Variants in TIFA observed in about 807,000 individuals in gnomAD.
TIFA encodes the protein TRAF-interacting protein with FHA domain-containing protein A.
For synonymous variants in TIFA, 75 were observed against 79.2 expected, an observed-to-expected ratio of 0.95 and a Z score of 0.28; for missense variants, 186 against 215.2, an observed-to-expected ratio of 0.86 and a Z score of 0.85.
rs1727120697 is a variant in TIFA, at chr4:112,276,662, ACTG to A, written c.*1197_*1199del. ...GTTAGGGTGCTGGACATCACATACT[ACTG>A]CCCAGGAATAGACTGACAGTCTGAA... On this transcript the variant is annotated 3_prime_UTR_variant, in exon 2 of 2. Transcript: ENST00000361717. 1 of 152,180 alleles carries A rather than the reference ACTG, an allele frequency of 6.6e-6. No individual in the cohort carries two copies. Among genetic ancestry groups the A allele is most frequent in the African/African-American group, 2.4e-5 (1 of 41,446 alleles). 9.4% of individuals were successfully genotyped at this position (152,180 alleles called of 1,614,324 possible). A position where few individuals can be genotyped will look rare whatever the true frequency, so the allele number is the denominator to read the frequency against.
chr4:112,279,676 C>CTT (rs61156596), intron 1 of TIFA, among the ~76,000 whole-genome samples: 2 of 146,586 alleles, frequency 1.4e-5, no homozygotes, highest in Admixed American at 6.8e-5. Context: ...CTTTGTTCCT[C>CTT]TTTTTTTTTT....
intron 1 of TIFA, among the ~76,000 whole-genome samples, chr4:112,280,699 T>C (rs1727215276): frequency 6.6e-6 from 1 of 152,168 alleles, no homozygotes; most frequent in African/African-American, 2.4e-5. Context: ...TTACAAAGTT[T>C]TGCTGCTGGG....
At chr4:112,281,109 A>T (rs1578432286) in intron 1 of TIFA, among the ~76,000 whole-genome samples, 1 of 152,348 alleles carries the variant, frequency 6.6e-6, no homozygotes, top group East Asian at 1.9e-4. Flanking sequence ...CAAGAAAAGC[A>T]TTTGCTATTA....
intron 1 of TIFA, among the ~76,000 whole-genome samples, chr4:112,284,909 A>G (rs970228721): frequency 2.6e-5 from 4 of 151,486 alleles, no homozygotes; most frequent in African/African-American, 9.7e-5. Flanking sequence ...AAAAAAAAAA[A>G]AAGTGAAAAC....
chr4:112,279,497 C>A (rs980873207), intron 1 of TIFA, among the ~76,000 whole-genome samples: 1 of 152,120 alleles, frequency 6.6e-6, no homozygotes, highest in African/African-American at 2.4e-5. Flanking sequence ...TCCTAGAGTA[C>A]AACCACTGTA....
At position 112,279,827 on chromosome 4, in the gene TIFA, C is replaced by T. The variant is rs576995100; in HGVS notation, c.-18-1393G>A. Among the ~76,000 whole-genome samples, 12 of 152,072 alleles carry T rather than the reference C, an allele frequency of 7.9e-5. No individual in the cohort carries two copies. In the South Asian group the frequency reaches 2.3e-3, roughly 29 times the overall value. On this transcript the variant is annotated intron_variant, in intron 1 of 1. Coordinates refer to ENST00000361717, the MANE Select transcript of TIFA (RefSeq NM_052864.3). ...GATTACAGAAACGCACCACCACACC[C>T]GGCTAATTTTTGTATTTTTAGTAGA... is the stretch of plus-strand genomic sequence containing the variant.
intron 1 of TIFA, among the ~76,000 whole-genome samples, chr4:112,279,901 C>G (rs968813373): frequency 6.6e-5 from 10 of 152,144 alleles, no homozygotes; most frequent in Non-Finnish European, 1.5e-4. Flanking sequence ...CTCCTGAGCT[C>G]AGGTGATTCA....
chr4:112,277,791 CTTAT>C lies in TIFA; in HGVS notation c.*67_*70del. On this transcript the variant is annotated 3_prime_UTR_variant, in exon 2 of 2. Transcript: ENST00000361717. ...CTATAATATACTACCCTAATCAACT[CTTAT>C]TTAGTGTCTATACAGCATCTACAGA... 7.0e-7 allele frequency: 1 copy of C among 1,427,446 alleles called. No homozygotes were observed. Among genetic ancestry groups the C allele is most frequent in the Non-Finnish European group, 9.3e-7 (1 of 1,069,552 alleles). 88.4% of individuals were successfully genotyped at this position (1,427,446 alleles called of 1,614,324 possible).
chr4:112,279,432 C>T (rs995533801), intron 1 of TIFA, among the ~76,000 whole-genome samples: 12 of 152,174 alleles, frequency 7.9e-5, no homozygotes, highest in African/African-American at 2.9e-4. Flanking sequence ...CAAACACTAA[C>T]AAAGGATTTA....
At chr4:112,282,356 T>C (rs1426162087) in intron 1 of TIFA, among the ~76,000 whole-genome samples, 2 of 152,226 alleles carry the variant, frequency 1.3e-5, no homozygotes, top group African/African-American at 2.4e-5. Context: ...CTATTACTTA[T>C]TTCATGCCTT....
intron 1 of TIFA, among the ~76,000 whole-genome samples, chr4:112,282,098 T>C (rs1239893758): frequency 6.6e-6 from 1 of 152,198 alleles, no homozygotes; most frequent in Non-Finnish European, 1.5e-5. Flanking sequence ...GTTCTTGTGA[T>C]AGTGAATAAG....
chr4:112,280,333 C>T (rs1380719168), intron 1 of TIFA, among the ~76,000 whole-genome samples: 3 of 142,440 alleles, frequency 2.1e-5, no homozygotes, highest in African/African-American at 7.7e-5. Flanking sequence ...TTCTATCTTG[C>T]TGGCATTTCC....
chr4:112,275,275 A>G lies in TIFA; in HGVS notation c.*2587T>C, dbSNP rs1300319839. On this transcript the variant is annotated 3_prime_UTR_variant, in exon 2 of 2. Transcript: ENST00000361717. ...AGAGATCAGGTCTCTTTGGGGGATC[A>G]ATAACGTGTAAAACTTGGGAGCTAC... The G allele has an allele frequency of 1.3e-5, 2 of 152,194 alleles. No homozygotes were observed. Among genetic ancestry groups the G allele is most frequent in the East Asian group, 3.9e-4 (2 of 5,192 alleles). The allele number at this position is 152,194 out of a possible 1,614,324, so 9.4% of individuals were successfully genotyped here. A position where few individuals can be genotyped will look rare whatever the true frequency, so the allele number is the denominator to read the frequency against.
rs764956388 is a variant in TIFA, at chr4:112,278,234, C to T, written c.183G>A (p.Gln61=). 6.2e-7 allele frequency: 1 copy of T among 1,613,836 alleles called. No homozygotes were observed. The highest frequency in any genetic ancestry group is 2.2e-5 in the East Asian group (1 of 44,882). ...RNSNICHYTF[Q]DKQVSRVQFS... The stretch of plus-strand genomic sequence containing the variant: ...ACTGAACTCGGGAAACCTGTTTGTC[C>T]TGAAAAGTATAATGACAGATGTTGG... The change falls in exon 2 of 2, where the codon CAG becomes CAA. Residue 61 remains glutamine (Q), a synonymous_variant. Transcript: ENST00000361717.
rs550897234 is a variant in TIFA at position 112,276,008 on chromosome 4, T to C, written c.*1854A>G. 6.6e-6 allele frequency: 1 copy of C among 152,318 alleles called. No homozygotes were observed. Among genetic ancestry groups the C allele is most frequent in the East Asian group, 1.9e-4 (1 of 5,196 alleles). The allele number at this position is 152,318 out of a possible 1,614,324, so 9.4% of individuals were successfully genotyped here. A position where few individuals can be genotyped will look rare whatever the true frequency, so the allele number is the denominator to read the frequency against. On this transcript the variant is annotated 3_prime_UTR_variant, in exon 2 of 2. Transcript: ENST00000361717. ...CTAAAATCCTAGAAAGAATCAATAG[T>C]AGATAACCTTATATTAAAGGGAGTA... is the stretch of plus-strand genomic sequence containing the variant.
chr4:112,276,224 A>G lies in TIFA; in HGVS notation c.*1638T>C, dbSNP rs1375520452. 6.5e-6 allele frequency: 1 copy of G among 153,008 alleles called. No individual in the cohort carries two copies. The highest frequency in any genetic ancestry group is 1.5e-5 in the Non-Finnish European group (1 of 68,050). 9.5% of individuals were successfully genotyped at this position (153,008 alleles called of 1,614,324 possible). A position where few individuals can be genotyped will look rare whatever the true frequency, so the allele number is the denominator to read the frequency against. ...GTCTTTTCTGGCTTCCAGATGTCCA[A>G]TGCACACTTTCCAGCTTCAAGAGAC... On this transcript the variant is annotated 3_prime_UTR_variant, in exon 2 of 2. Coordinates refer to ENST00000361717, the MANE Select transcript of TIFA (RefSeq NM_052864.3).
At chr4:112,284,116 C>G (rs369166251) in intron 1 of TIFA, among the ~76,000 whole-genome samples, 1 of 152,196 alleles carries the variant, frequency 6.6e-6, no homozygotes, top group East Asian at 1.9e-4. Context: ...TCCAGCTCTT[C>G]TGTGCTGGAC....
intron 1 of TIFA, among the ~76,000 whole-genome samples, chr4:112,285,155 T>A (rs1483164049): frequency 6.6e-6 from 1 of 151,992 alleles, no homozygotes; most frequent in East Asian, 1.9e-4. Context: ...ATTTCTCTCA[T>A]GAACCAGACT....
intron 1 of TIFA, among the ~76,000 whole-genome samples, chr4:112,283,041 T>A (rs1247996050): frequency 1.3e-5 from 2 of 152,170 alleles, no homozygotes. Flanking sequence ...AATAACCCTG[T>A]GAATCACTGC....
Sources: gnomAD v4.1 joint callset for allele counts (sites outside exome capture counted in the v4.1 genomes callset) on GRCh38, gnomAD v4.1.1 for gene constraint, MANE v1.5 for transcripts, NCBI Gene and HGNC (gene_info 2026-07-23, HGNC 2026-07-21) for gene names.